AAR2: variants seen among roughly 807,000 people sequenced by gnomAD.
AAR2 encodes the protein AAR2 splicing factor, also known as protein AAR2 homolog.
In AAR2, 31 loss-of-function variants were observed where a neutral mutation model predicts 26.9. That is an observed-to-expected ratio of 1.15 (90% CI 0.86 to 1.55). AAR2 has a LOEUF of 1.55. AAR2 is among the 40% of genes most tolerant of loss of function. The pLI is 0.00. For synonymous variants in AAR2, 188 were observed against 196.1 expected (o/e 0.96, Z 0.34); for missense variants, 430 against 491.3 (o/e 0.88, Z 1.18).
rs1361962955 is a variant in AAR2, at chr20:36,244,841, T to C, written c.902T>C (p.Ile301Thr). Residue 301 changes from isoleucine to threonine, a missense_variant, in exon 3 of 4, where the codon ATC becomes ACC. Coordinates refer to ENST00000320849, the MANE Select transcript of AAR2 (RefSeq NM_001271874.2). ...ACCCTCTACATCAACCTCATCTCCA[T>C]CCTGTACCACCAGCTTGGTGAGATC... ...HHTLYINLIS[I>T]LYHQLGEIPA... 2.5e-6 allele frequency: 4 copies of C among 1,614,140 alleles called. No homozygotes were observed. The highest frequency in any genetic ancestry group is 3.4e-6 in the Non-Finnish European group (4 of 1,180,020).
chr20:36,247,479 C>G (rs974486755), intron 3 of AAR2, among the ~76,000 whole-genome samples: 3 of 152,156 alleles, frequency 2.0e-5, no homozygotes, highest in African/African-American at 7.2e-5. Flanking sequence ...CTTCTCTTTC[C>G]TCTCCGTTTT....
chr20:36,238,917 A>G (rs1340803324), intron 1 of AAR2, among the ~76,000 whole-genome samples: 3 of 152,138 alleles, frequency 2.0e-5, no homozygotes, highest in Non-Finnish European at 2.9e-5. Context: ...CAATGCAGGC[A>G]CTCAGTGAGT....
intron 3 of AAR2, among the ~76,000 whole-genome samples, chr20:36,249,347 A>G (rs1199820238): frequency 1.3e-5 from 2 of 152,222 alleles, no homozygotes; most frequent in Non-Finnish European, 2.9e-5. Context: ...TTTAAAACCA[A>G]TGAAAGGATA....
rs567691594 is a variant in AAR2, at chr20:36,236,479, C to G, written c.-73C>G. 6.6e-6 allele frequency: 1 copy of G among 152,394 alleles called. No homozygotes were observed. Among genetic ancestry groups the G allele is most frequent in the South Asian group, 2.1e-4 (1 of 4,830 alleles). 9.4% of individuals were successfully genotyped at this position (152,394 alleles called of 1,614,324 possible). ...CTGGAGAACTTCCGGTGCGTTTCCG[C>G]TGTACCGGAACGTGGGGCGAGGCGG... On this transcript the variant is annotated 5_prime_UTR_variant, in exon 1 of 4. Transcript: ENST00000320849.
At chr20:36,251,636 G>A (rs767346852) in intron 3 of AAR2, among the ~76,000 whole-genome samples, 9 of 152,230 alleles carry the variant, frequency 5.9e-5, no homozygotes, top group African/African-American at 2.2e-4. Context: ...TTGTCACTGC[G>A]TGTTGCCGCA....
At position 36,249,830 on chromosome 20, in the gene AAR2, A is replaced by G. The variant is rs546595215; in HGVS notation, c.987+4904A>G. Among the ~76,000 whole-genome samples, 230 of 152,358 alleles carry G rather than the reference A, an allele frequency of 1.5e-3. 1 individual carries two copies. The highest frequency in any genetic ancestry group is 5.4e-3 in the African/African-American group (224 of 41,588). On this transcript the variant is annotated intron_variant, in intron 3 of 3. Transcript: ENST00000320849. ...TCTAAAGCCTATGGTGGGCTCCTGT[A>G]TATGATTAGAGCCCCAGATGAAACA... is the stretch of plus-strand genomic sequence containing the variant.
chr20:36,243,555 C>T (rs1263259935), intron 2 of AAR2, among the ~76,000 whole-genome samples: 1 of 152,124 alleles, frequency 6.6e-6, no homozygotes, highest in African/African-American at 2.4e-5. Context: ...AAATTTCCAG[C>T]CACCTTTGAA....
At chr20:36,238,674 T>C (rs1212203197) in intron 1 of AAR2, among the ~76,000 whole-genome samples, 1 of 150,216 alleles carries the variant, frequency 6.7e-6, no homozygotes. Context: ...AAGAATTGCT[T>C]GAACCCGGGA....
chr20:36,241,724 AG>A (rs1569424962), intron 2 of AAR2, among the ~76,000 whole-genome samples: 1 of 152,216 alleles, frequency 6.6e-6, no homozygotes, highest in African/African-American at 2.4e-5. Context: ...CAGAGGTCGC[AG>A]TGAACCAAGA....
chr20:36,245,881 A>G (rs1041923135), intron 3 of AAR2, among the ~76,000 whole-genome samples: 2 of 152,160 alleles, frequency 1.3e-5, no homozygotes, highest in African/African-American at 4.8e-5. Context: ...TTGGCCAGGT[A>G]TGGTCATGTG....
rs1309971239 is a variant in AAR2 at position 36,239,989 on chromosome 20, G to GTTATAGTCCCCT, written c.122_123insTATAGTCCCCTT (p.Val41_Gly42insIleValProPhe). On this transcript the variant is annotated inframe_insertion, in exon 2 of 4. Transcript: ENST00000320849. ...TGGGATTGACTATAACTCCTGGGAG[G>GTTATAGTCCCCT]TCGGGCCCAAGTTCCGGGGCGTGAA... 1 of 1,614,208 alleles carries GTTATAGTCCCCT rather than the reference G, an allele frequency of 6.2e-7. No individual in the cohort carries two copies. Among genetic ancestry groups the GTTATAGTCCCCT allele is most frequent in the Non-Finnish European group, 8.5e-7 (1 of 1,180,036 alleles).
At chr20:36,243,643 T>C (rs887775716) in intron 2 of AAR2, among the ~76,000 whole-genome samples, 2 of 152,196 alleles carry the variant, frequency 1.3e-5, no homozygotes, top group Non-Finnish European at 1.5e-5. Context: ...GACAGTGGTG[T>C]CTGGATCATC....
chr20:36,252,030 C>G (rs1019750779), intron 3 of AAR2, among the ~76,000 whole-genome samples: 1 of 152,186 alleles, frequency 6.6e-6, no homozygotes, highest in Non-Finnish European at 1.5e-5. Context: ...ACAATCCCCA[C>G]TTTTAGAGGG....
At chr20:36,249,480 T>G (rs1191957141) in intron 3 of AAR2, among the ~76,000 whole-genome samples, 1 of 152,232 alleles carries the variant, frequency 6.6e-6, no homozygotes, top group African/African-American at 2.4e-5. Flanking sequence ...CTAGTTACAA[T>G]AGGCCGTATA....
chr20:36,248,736 A>G (rs1176311285), intron 3 of AAR2, among the ~76,000 whole-genome samples: 1 of 152,200 alleles, frequency 6.6e-6, no homozygotes, highest in Admixed American at 6.5e-5. Context: ...AAAGGGCGTT[A>G]GGAGCACCAA....
rs1431733787 is a variant in AAR2, at chr20:36,240,268, ATCTCAC to A, written c.403_408del (p.Ser135_Leu136del). ...CCCATATGCCACCCTGAAGAAGTGG[ATCTCAC>A]TCACCAACTTCATCAGCGAAGCCAC... On this transcript the variant is annotated inframe_deletion, in exon 2 of 4. Coordinates refer to ENST00000320849, the MANE Select transcript of AAR2 (RefSeq NM_001271874.2). The A allele has an allele frequency of 1.2e-6, 2 of 1,614,060 alleles. No homozygotes were observed. Among genetic ancestry groups the A allele is most frequent in the Non-Finnish European group, 1.7e-6 (2 of 1,180,042 alleles).
chr20:36,256,190 A>G lies in AAR2; in HGVS notation c.*445A>G, dbSNP rs2064820188. 6.4e-6 allele frequency: 1 copy of G among 156,554 alleles called. No individual in the cohort carries two copies. The highest frequency in any genetic ancestry group is 2.4e-5 in the African/African-American group (1 of 41,504). The allele number at this position is 156,554 out of a possible 1,614,324, so 9.7% of individuals were successfully genotyped here. ...GGTTGGTGACTTTTTTTGCGGTTAA[A>G]TGAAGGGTGATGGGGAGATCAGCCC... On this transcript the variant is annotated 3_prime_UTR_variant, in exon 4 of 4. Transcript: ENST00000320849.
rs755461449 is a variant in AAR2, at chr20:36,240,172, C to A, written c.304C>A (p.Pro102Thr). The A allele has an allele frequency of 6.2e-7, 1 of 1,614,082 alleles. No homozygotes were observed. Among genetic ancestry groups the A allele is most frequent in the African/African-American group, 1.3e-5 (1 of 74,934 alleles). The change falls in exon 2 of 4, where the codon CCA becomes ACA. Residue 102 changes from proline (P) to threonine (T), a missense_variant. Transcript: ENST00000320849. Reference sequence around the variant, plus strand: ...ACTCAGGGAAGAGGTAGACCTGTCCCCAGCCCCAGAGTCTGAGGTGGAGGC... The same window carrying A: ...ACTCAGGGAAGAGGTAGACCTGTCCACAGCCCCAGAGTCTGAGGTGGAGGC... ...STLREEVDLS[P>T]APESEVEAMR...
rs748815248 is a variant in AAR2, at chr20:36,256,244, G to A, written c.*499G>A. ...TTGCCGCCTGCCTCTTGCTAAATAG[G>A]AGCAGAGGACTTGGCCTGCAGCTCC... On this transcript the variant is annotated 3_prime_UTR_variant, in exon 4 of 4. Transcript: ENST00000320849. 6.5e-6 allele frequency: 1 copy of A among 152,726 alleles called. No individual in the cohort carries two copies. The highest frequency in any genetic ancestry group is 2.4e-5 in the African/African-American group (1 of 41,454). 9.5% of individuals were successfully genotyped at this position (152,726 alleles called of 1,614,324 possible).
Sources: allele counts gnomAD v4.1 joint callset (sites outside exome capture counted in the v4.1 genomes callset), GRCh38; gene constraint gnomAD v4.1.1; transcripts MANE v1.5; gene names NCBI Gene and HGNC (gene_info 2026-07-23, HGNC 2026-07-21).